Variants in USP8 observed in about 807,000 individuals in gnomAD.
The protein encoded by USP8 is ubiquitin specific peptidase 8.
Under a neutral mutation model 130.0 loss-of-function variants are expected in USP8, and 27 were observed. The observed-to-expected ratio is 0.21, with a 90% CI of 0.15 to 0.29. The LOEUF is 0.29. USP8 is among the 10% of genes least tolerant of loss of function. The pLI is 1.00. For synonymous variants in USP8, 392 were observed against 444.1 expected (o/e 0.88, Z 1.48); for missense variants, 1,029 against 1,312.2 (o/e 0.78, Z 3.33).
intron 14 of USP8, 145 bp from the exon 15 acceptor site, chr15:50,492,556 G>A: frequency 1.3e-6 from 1 of 754,860 alleles, no homozygotes; most frequent in Non-Finnish European, 2.1e-6. Context: ...TGTCCTGGAA[G>A]GCCCAGCATC....
chr15:50,484,436 C>A, intron 12 of USP8, 75 bp downstream of exon 12: 2 of 1,166,910 alleles, frequency 1.7e-6, no homozygotes, highest in Non-Finnish European at 2.5e-6. Flanking sequence ...TATCTTACCA[C>A]ACTGCTATCT....
chr15:50,483,687 G>T (rs2051853170), intron 11 of USP8, among the ~76,000 whole-genome samples: 1 of 151,916 alleles, frequency 6.6e-6, no homozygotes, highest in Admixed American at 6.6e-5. Flanking sequence ...CCAGCTGCTT[G>T]GGAGGCTGAA....
At chr15:50,447,799 T>G (rs1351215842) in intron 3 of USP8, among the ~76,000 whole-genome samples, 3 of 151,384 alleles carry the variant, frequency 2.0e-5, no homozygotes, top group Non-Finnish European at 4.4e-5. Flanking sequence ...GAACGGGGTC[T>G]CACTATATGC....
chr15:50,453,891 G>T (rs1248790041), intron 4 of USP8, among the ~76,000 whole-genome samples: 6 of 122,654 alleles, frequency 4.9e-5, no homozygotes, highest in Admixed American at 3.8e-4. Flanking sequence ...TTGAGACAGG[G>T]TCTCACTGTC....
At chr15:50,477,876 C>T (rs537375730) in intron 10 of USP8, among the ~76,000 whole-genome samples, 19 of 151,558 alleles carry the variant, frequency 1.3e-4, no homozygotes, top group East Asian at 5.8e-4. Flanking sequence ...AGTATAGAAA[C>T]GAAGTTTAAT....
At chr15:50,469,643 CA>C (rs2051310188) in intron 7 of USP8, among the ~76,000 whole-genome samples, 1 of 151,982 alleles carries the variant, frequency 6.6e-6, no homozygotes, top group Admixed American at 6.6e-5. Context: ...AACTGGATTT[CA>C]AAATTAAAAT....
intron 11 of USP8, among the ~76,000 whole-genome samples, chr15:50,482,658 A>G (rs1450186509): frequency 6.6e-6 from 1 of 152,228 alleles, no homozygotes; most frequent in Middle Eastern, 3.4e-3. Context: ...TTCTTTTTCA[A>G]TCTCTAATAA....
At chr15:50,477,667 C>T (rs1258406970) in intron 10 of USP8, among the ~76,000 whole-genome samples, 168 bp downstream of exon 10, 1 of 151,798 alleles carries the variant, frequency 6.6e-6, no homozygotes, top group Non-Finnish European at 1.5e-5. Flanking sequence ...TGGTGAAACC[C>T]CCCTCTCTAC....
intron 3 of USP8, among the ~76,000 whole-genome samples, chr15:50,444,144 C>G (rs1405000307): frequency 6.9e-6 from 1 of 145,816 alleles, no homozygotes; most frequent in Non-Finnish European, 1.5e-5. Flanking sequence ...TGTTCTGTCA[C>G]CCAGGCTGGA....
intron 3 of USP8, among the ~76,000 whole-genome samples, chr15:50,441,996 G>A (rs1412758215): frequency 2.0e-5 from 2 of 101,992 alleles, no homozygotes; most frequent in African/African-American, 3.9e-5. Flanking sequence ...TTTTTTTTGA[G>A]ACGGAGTTTC....
chr15:50,501,056 G>T lies in USP8; in HGVS notation c.*1968G>T. The T allele has an allele frequency of 2.1e-6, 1 of 480,598 alleles. No homozygotes were observed. Among genetic ancestry groups the T allele is most frequent in the South Asian group, 2.5e-5 (1 of 39,720 alleles). 29.8% of individuals were successfully genotyped at this position (480,598 alleles called of 1,614,324 possible). A position where few individuals can be genotyped will look rare whatever the true frequency, so the allele number is the denominator to read the frequency against. On this transcript the variant is annotated 3_prime_UTR_variant, in exon 20 of 20. Transcript: ENST00000307179. ...GTTGTGCCCATTGACTATCATCTGT[G>T]AATAAAGAAAGACAATATTTAGCAG...
At chr15:50,482,132 A>C (rs1477778596) in intron 11 of USP8, 67 bp downstream of exon 11, 1 of 1,380,714 alleles carries the variant, frequency 7.2e-7, no homozygotes, top group Non-Finnish European at 9.6e-7. Flanking sequence ...TGAAAACACC[A>C]GTGGCATTCC....
At chr15:50,462,695 C>G (rs1156949420) in intron 6 of USP8, among the ~76,000 whole-genome samples, 1 of 152,136 alleles carries the variant, frequency 6.6e-6, no homozygotes, top group Non-Finnish European at 1.5e-5. Context: ...CTCTCCCTTT[C>G]CGCCTGGTTT....
intron 10 of USP8, among the ~76,000 whole-genome samples, chr15:50,477,934 T>C (rs914473538): frequency 2.0e-5 from 3 of 152,206 alleles, no homozygotes. Context: ...GAACAGTCTG[T>C]ATGTTTTGAT....
Position 50,481,852 on chromosome 15 carries a change from T to C in USP8, c.1590T>C (p.Ser530=), listed in dbSNP as rs1238912144. The C allele has an allele frequency of 3.9e-6, 6 of 1,529,980 alleles. No homozygotes were observed. The highest frequency in any genetic ancestry group is 2.8e-5 in the African/African-American group (2 of 70,614). The allele number at this position is 1,529,980 out of a possible 1,614,324, so 94.8% of individuals were successfully genotyped here. The change falls in exon 11 of 20, where the codon AGT becomes AGC. Residue 530 remains serine, a synonymous_variant. Coordinates refer to ENST00000307179, the MANE Select transcript of USP8 (RefSeq NM_005154.5). The part of the protein sequence containing the change: ...KAKEEMEKKE[S]EQAKKEDKET... ...AAGAAGAAATGGAGAAGAAAGAAAG[T>C]GAACAGGCCAAGAAAGAAGATAAAG...
intron 16 of USP8, among the ~76,000 whole-genome samples, chr15:50,494,606 G>A (rs1171871886): frequency 6.6e-6 from 1 of 152,166 alleles, no homozygotes; most frequent in Non-Finnish European, 1.5e-5. Context: ...CATTTTTATT[G>A]TATGTTATGT....
rs994645775 is a variant in USP8 at position 50,509,164 on chromosome 15, A to G, written c.*10076A>G. ...AAAAAAAAAAAAAAAAAAAAAAATT[A>G]CAAAATTAGCTGGACATGGTGTTGT... On this transcript the variant is annotated 3_prime_UTR_variant, in exon 20 of 20. Coordinates refer to ENST00000307179, the MANE Select transcript of USP8 (RefSeq NM_005154.5). The G allele has an allele frequency of 7.3e-6, 1 of 136,450 alleles. No homozygotes were observed. Among genetic ancestry groups the G allele is most frequent in the Non-Finnish European group, 1.6e-5 (1 of 63,344 alleles). 8.5% of individuals were successfully genotyped at this position (136,450 alleles called of 1,614,324 possible). A position where few individuals can be genotyped will look rare whatever the true frequency, so the allele number is the denominator to read the frequency against.
intron 1 of USP8, among the ~76,000 whole-genome samples, chr15:50,433,026 G>C (rs2049978841): frequency 6.6e-6 from 1 of 152,182 alleles, no homozygotes; most frequent in Non-Finnish European, 1.5e-5. Flanking sequence ...CGGATCACCT[G>C]AGGTCAGGAG....
chr15:50,445,145 A>G (rs1231105637), intron 3 of USP8, among the ~76,000 whole-genome samples: 2 of 152,128 alleles, frequency 1.3e-5, no homozygotes, highest in African/African-American at 4.8e-5. Flanking sequence ...AAATTTACTA[A>G]CAAGATATTT....
Sources: allele counts gnomAD v4.1 joint callset (sites outside exome capture counted in the v4.1 genomes callset), GRCh38; gene constraint gnomAD v4.1.1; transcripts MANE v1.5; gene names NCBI Gene and HGNC (gene_info 2026-07-23, HGNC 2026-07-21).